Variants in NIN observed in about 807,000 individuals in gnomAD.
The protein encoded by NIN is glycogen synthase kinase 3 beta-interacting protein.
Under a neutral mutation model 257.6 loss-of-function variants are expected in NIN, and 137 were observed. The ratio of observed to expected loss-of-function variants is 0.53; its 90% CI spans 0.46 to 0.61. The LOEUF is 0.61. NIN is among the 20% of genes least tolerant of loss of function. The pLI is 0.00. For synonymous variants in NIN, 918 were observed against 919.8 expected (o/e 1.00, Z 0.04); for missense variants, 2,439 against 2,501.2 (o/e 0.98, Z 0.53).
rs1004909289 is a variant in NIN, at chr14:50,739,493, G to T, written c.5449-6C>A. On this transcript the variant is annotated splice_region_variant and splice_polypyrimidine_tract_variant and intron_variant, in intron 25 of 30. Transcript: ENST00000530997. ...GCTATCTCTGGGGCCCAGCTCTTAA[G>T]AGAATTGCAGAGTGTAAGCCTTAAA... The T allele has an allele frequency of 6.2e-7, 1 of 1,613,800 alleles. No homozygotes were observed. The highest frequency in any genetic ancestry group is 8.5e-7 in the Non-Finnish European group (1 of 1,179,892).
At position 50,758,303 on chromosome 14, in the gene NIN, G is replaced by T. The variant is rs138423265; in HGVS notation, c.2727C>A (p.Val909=). The change falls in exon 18 of 31, where the codon GTC becomes GTA. Residue 909 remains valine, a synonymous_variant. Transcript: ENST00000530997. The part of the protein sequence containing the change: ...KTYKEHLNSM[V]VERQQLLQDL... ...CTTGGAGTAGCTGCTGTCTCTCGAC[G>T]ACCATGCTGTTCAAATGTTCTTTGT... 4 of 1,614,124 alleles carry T rather than the reference G, an allele frequency of 2.5e-6. No homozygotes were observed. Among genetic ancestry groups the T allele is most frequent in the Non-Finnish European group, 3.4e-6 (4 of 1,180,008 alleles).
chr14:50,728,045 G>A (rs537566983), intron 29 of NIN, among the ~76,000 whole-genome samples: 1 of 145,444 alleles, frequency 6.9e-6, no homozygotes, highest in East Asian at 1.9e-4. Flanking sequence ...TCTGTCATCT[G>A]GTTGGAGGAT....
Position 50,757,975 on chromosome 14 carries a change from T to G in NIN, c.3055A>C (p.Ile1019Leu). 1 of 1,614,228 alleles carries G rather than the reference T, an allele frequency of 6.2e-7. No homozygotes were observed. Residue 1019 changes from isoleucine (I) to leucine (L), a missense_variant, in exon 18 of 31, where the codon ATA becomes CTA. Transcript: ENST00000530997. ...STEISRLQSK[I>L]KEMQQATSPL... is the part of the protein sequence containing the mutation. ...GATGTTGCCTGCTGCATTTCCTTTA[T>G]TTTACTCTGAAGTCTGGAGATTTCT...
In NIN at chr14:50,757,175, T is replaced by C. The variant is rs2042065747; in HGVS notation, c.3855A>G (p.Ala1285=). 6.2e-7 allele frequency: 1 copy of C among 1,613,420 alleles called. No homozygotes were observed. Among genetic ancestry groups the C allele is most frequent in the South Asian group, 1.1e-5 (1 of 90,924 alleles). ...GCTCATCCTGCAACCTGAAAACCTC[T>C]GCAGTGAGTTCTTTGTTATTTTCTA... ...EALENNKELT[A]EVFRLQDELK... is the part of the protein sequence containing the mutation. Residue 1285 remains alanine, a synonymous_variant, in exon 18 of 31, where the codon GCA becomes GCG. Coordinates refer to ENST00000530997, the MANE Select transcript of NIN (RefSeq NM_020921.4).
At chr14:50,763,001 T>G (rs1595805098) in intron 15 of NIN, among the ~76,000 whole-genome samples, 2 of 152,218 alleles carry the variant, frequency 1.3e-5, no homozygotes, top group Non-Finnish European at 1.5e-5. Context: ...TATCATATTA[T>G]GAGATCCTCA....
At chr14:50,780,565 T>C (rs2043096270) in intron 5 of NIN, among the ~76,000 whole-genome samples, 1 of 152,184 alleles carries the variant, frequency 6.6e-6, no homozygotes. Flanking sequence ...TACTTTATTC[T>C]CCACACTCAC....
At chr14:50,806,981 T>C (rs568625509) in intron 3 of NIN, among the ~76,000 whole-genome samples, 163 bp from the exon 4 acceptor site, 1 of 152,242 alleles carries the variant, frequency 6.6e-6, no homozygotes, top group African/African-American at 2.4e-5. Context: ...GAAGGGAAAA[T>C]AGGCTGATCA....
At position 50,740,430 on chromosome 14, in the gene NIN, C is replaced by T. The variant is rs570284613; in HGVS notation, c.5449-943G>A. Among the ~76,000 whole-genome samples, 371 of 151,998 alleles carry T rather than the reference C, an allele frequency of 2.4e-3. 3 individuals carry two copies. Among genetic ancestry groups the T allele is most frequent in the African/African-American group, 8.1e-3 (335 of 41,422 alleles). On this transcript the variant is annotated intron_variant, in intron 25 of 30. Transcript: ENST00000530997. ...GTGGCACGATCTTGGCTCACTGCAACCTAGCCCTCCCGGGTTCAAGCGATT... is the reference window on the plus strand; with the variant it reads ...GTGGCACGATCTTGGCTCACTGCAATCTAGCCCTCCCGGGTTCAAGCGATT...
chr14:50,738,093 A>C (rs1253724730), intron 27 of NIN, 47 bp downstream of exon 27: 1 of 1,593,598 alleles, frequency 6.3e-7, no homozygotes, highest in Non-Finnish European at 8.6e-7. Flanking sequence ...TTAAGAACGC[A>C]TTATAGTGAG....
At chr14:50,810,194 G>A (rs957764913) in intron 3 of NIN, among the ~76,000 whole-genome samples, 1 of 144,198 alleles carries the variant, frequency 6.9e-6, no homozygotes, top group Non-Finnish European at 1.5e-5. Context: ...TTGGGCCACT[G>A]CACTACAGCC....
intron 16 of NIN, among the ~76,000 whole-genome samples, chr14:50,761,420 G>A (rs989537405): frequency 2.0e-5 from 3 of 152,128 alleles, no homozygotes. Flanking sequence ...GACTGGAAAC[G>A]TCAGTTGAAG....
chr14:50,752,712 T>C lies in NIN; in HGVS notation c.4756A>G (p.Asn1586Asp). The C allele has an allele frequency of 6.3e-7, 1 of 1,593,776 alleles. No individual in the cohort carries two copies. The highest frequency in any genetic ancestry group is 8.5e-7 in the Non-Finnish European group (1 of 1,170,882). The change falls in exon 21 of 31, where the codon AAC (asparagine) becomes GAC (aspartate). Residue 1586 changes from asparagine (N) to aspartate (D), a missense_variant. By Grantham distance (23) the Asn-to-Asp change is conservative. Coordinates refer to ENST00000530997, the MANE Select transcript of NIN (RefSeq NM_020921.4). ...GTATTTTCCAAATCCAATTGTTGGT[T>C]TTTGATTTTTAATTCTGAAATCTAA... is the stretch of plus-strand genomic sequence containing the variant. ...KKQISELKIKNQQLDLENTEL... is the reference protein window; with the variant it reads ...KKQISELKIKDQQLDLENTEL...
rs1385752310 is a variant in NIN at position 50,767,661 on chromosome 14, C to CA, written c.1435-772dup. ...TGAAACCCCGTCTCTACTAAAAATA[C>CA]AAAAAATTAGCCAGGTGTGGTGGCG... On this transcript the variant is annotated intron_variant, in intron 12 of 30. Coordinates refer to ENST00000530997, the MANE Select transcript of NIN (RefSeq NM_020921.4). 4.6e-5 allele frequency among the ~76,000 whole-genome samples: 7 copies of CA among 151,980 alleles called. No homozygotes were observed. In the East Asian group the frequency reaches 5.8e-4, roughly 13 times the overall value.
intron 4 of NIN, among the ~76,000 whole-genome samples, chr14:50,801,599 T>C (rs2142128851): frequency 6.6e-6 from 1 of 152,322 alleles, no homozygotes; most frequent in African/African-American, 2.4e-5. Context: ...CTGAACATAG[T>C]TATAAACACA....
At chr14:50,801,953 A>C (rs1228632730) in intron 4 of NIN, among the ~76,000 whole-genome samples, 1 of 152,230 alleles carries the variant, frequency 6.6e-6, no homozygotes, top group Non-Finnish European at 1.5e-5. Flanking sequence ...AAGAACAGAA[A>C]TCTAATGCAA....
Position 50,750,670 on chromosome 14 carries a change from T to C in NIN, c.4950+1848A>G, listed in dbSNP as rs140120318. On this transcript the variant is annotated intron_variant, in intron 21 of 30. Transcript: ENST00000530997. ...TTCCCCAGTGTGGTTATATTACCCA[T>C]TTATAACACAGTTAGGCTCATCTGT... Among the ~76,000 whole-genome samples the C allele has an allele frequency of 2.3e-3, 355 of 152,320 alleles. 1 individual carries two copies. The Middle Eastern group carries it at 0.041, about 18-fold the overall frequency.
In NIN at chr14:50,755,815, C is replaced by T. The variant is rs374913084; in HGVS notation, c.4538+677G>A. ...AAGTAGCTGGGACCACAGGTGTGCA[C>T]CACCACGCCCAGCAAACATTTTTTT... On this transcript the variant is annotated intron_variant, in intron 18 of 30. Coordinates refer to ENST00000530997, the MANE Select transcript of NIN (RefSeq NM_020921.4). 2.5e-4 allele frequency among the ~76,000 whole-genome samples: 38 copies of T among 152,054 alleles called. No homozygotes were observed. The South Asian group carries it at 7.3e-3, about 29-fold the overall frequency.
At position 50,729,556 on chromosome 14, in the gene NIN, A is replaced by G. The variant is rs1350633162; in HGVS notation, c.6045T>C (p.Leu2015=). The change falls in exon 29 of 31, where the codon CTT becomes CTC. Residue 2015 remains leucine (L), a synonymous_variant. Coordinates refer to ENST00000530997, the MANE Select transcript of NIN (RefSeq NM_020921.4). ...ERINQHLQEE[L]ENRTSETNTP... ...TGTTGGTTTCGGAGGTCCTGTTTTC[A>G]AGTTCCTCCTGCAGGTGCTGGTTTA... 1 of 1,614,046 alleles carries G rather than the reference A, an allele frequency of 6.2e-7. No individual in the cohort carries two copies. The highest frequency in any genetic ancestry group is 1.1e-5 in the South Asian group (1 of 91,040).
intron 12 of NIN, among the ~76,000 whole-genome samples, chr14:50,767,960 TATA>T (rs2042574017): frequency 6.6e-6 from 1 of 151,986 alleles, no homozygotes. Context: ...ATGTTTATAT[TATA>T]ATAACACATC....
Sources: allele counts gnomAD v4.1 joint callset (sites outside exome capture counted in the v4.1 genomes callset), GRCh38; gene constraint gnomAD v4.1.1; transcripts MANE v1.5; gene names NCBI Gene and HGNC (gene_info 2026-07-23, HGNC 2026-07-21).